NDRG1: variants seen among roughly 807,000 people sequenced by gnomAD.
NDRG1 encodes the protein protein NDRG1.
A neutral mutation model predicts 56.9 loss-of-function variants in NDRG1; 32 were observed. That is an observed-to-expected ratio of 0.56 (90% CI 0.42 to 0.76). The LOEUF (loss-of-function observed/expected upper bound fraction) is 0.76. Ranked by LOEUF, NDRG1 falls within the 30% of genes least tolerant of loss-of-function variation. NDRG1 has a pLI of 0.00. For synonymous variants in NDRG1, 211 were observed against 204.1 expected (o/e 1.03, Z -0.29); for missense variants, 507 against 545.7 (o/e 0.93, Z 0.71).
At chr8:133,293,376 G>C (rs919142678) in intron 1 of NDRG1, among the ~76,000 whole-genome samples, 1 of 152,244 alleles carries the variant, frequency 6.6e-6, no homozygotes, top group Non-Finnish European at 1.5e-5. Context: ...GGCCCAGAGG[G>C]TGTGGGTGGC....
At chr8:133,261,962 A>T (rs1856679554) in intron 5 of NDRG1, 85 bp downstream of exon 5, 1 of 1,482,290 alleles carries the variant, frequency 6.7e-7, no homozygotes, top group African/African-American at 1.4e-5. Context: ...ACAGTTAAAA[A>T]GTATTTAAAA....
At chr8:133,265,084 G>T in intron 3 of NDRG1, 1 of 255,148 alleles carries the variant, frequency 3.9e-6, no homozygotes, top group South Asian at 4.9e-5. Flanking sequence ...CCACTTCCAA[G>T]AACAGCCCTC....
intron 1 of NDRG1, among the ~76,000 whole-genome samples, chr8:133,293,952 CAAG>C (rs1858581374): frequency 6.6e-6 from 1 of 152,206 alleles, no homozygotes; most frequent in African/African-American, 2.4e-5. Flanking sequence ...CTCTGCCTGC[CAAG>C]AAGATGCCTT....
intron 5 of NDRG1, among the ~76,000 whole-genome samples, chr8:133,260,308 G>A (rs1480965264): frequency 6.6e-6 from 1 of 152,146 alleles, no homozygotes; most frequent in African/African-American, 2.4e-5. Context: ...TCAGAATACA[G>A]GGGGCTCACC....
intron 8 of NDRG1, 157 bp from the exon 9 acceptor site, chr8:133,254,752 G>A (rs1483148502): frequency 1.1e-5 from 8 of 739,480 alleles, no homozygotes; most frequent in Middle Eastern, 6.0e-4. Context: ...CTCAGTTCCT[G>A]TCTCCAGTTC....
In NDRG1 at chr8:133,262,104, G is replaced by A; in HGVS notation, c.269C>T (p.Ala90Val). The A allele has an allele frequency of 6.2e-7, 1 of 1,614,168 alleles. No homozygotes were observed. The part of the protein sequence containing the change: ...EDMQEITQHF[A>V]VCHVDAPGQQ... ...GCCAGGGGCGTCCACGTGGCAGACG[G>A]CAAAGTGCTGGGTGATCTCCTGCAT... The change falls in exon 5 of 16, where the codon GCC becomes GTC. Residue 90 changes from alanine (A) to valine (V), a missense_variant. Coordinates refer to ENST00000323851, the MANE Select transcript of NDRG1 (RefSeq NM_006096.4).
rs913796053 is a variant in NDRG1 at position 133,237,406 on chromosome 8, G to A, written c.*1472C>T. ...TGGACTACTTCCTCCTCCCAACTGC[G>A]GGGTCCCAGAAATCCTCGGGTCCCA... On this transcript the variant is annotated 3_prime_UTR_variant, in exon 16 of 16. Coordinates refer to ENST00000323851, the MANE Select transcript of NDRG1 (RefSeq NM_006096.4). 2 of 232,084 alleles carry A rather than the reference G, an allele frequency of 8.6e-6. No individual in the cohort carries two copies. The highest frequency in any genetic ancestry group is 2.2e-5 in the African/African-American group (1 of 45,252). 14.4% of individuals were successfully genotyped at this position (232,084 alleles called of 1,614,324 possible). A position where few individuals can be genotyped will look rare whatever the true frequency, so the allele number is the denominator to read the frequency against.
At chr8:133,248,878 G>A in intron 10 of NDRG1, 107 bp from the exon 11 acceptor site, 3 of 1,236,384 alleles carry the variant, frequency 2.4e-6, no homozygotes, top group African/African-American at 1.5e-5. Flanking sequence ...ATTCTGGTAA[G>A]CTACCCACAT....
At chr8:133,281,793 T>C (rs746849509) in intron 2 of NDRG1, among the ~76,000 whole-genome samples, 2 of 152,048 alleles carry the variant, frequency 1.3e-5, no homozygotes, top group African/African-American at 2.4e-5. Flanking sequence ...ATCAGGGACT[T>C]TGGGTAAATT....
At chr8:133,274,781 T>C (rs1232364173) in intron 3 of NDRG1, among the ~76,000 whole-genome samples, 6 of 152,120 alleles carry the variant, frequency 3.9e-5, no homozygotes, top group Non-Finnish European at 5.9e-5. Flanking sequence ...AGCATCACGG[T>C]TGAGAGAACT....
intron 9 of NDRG1, among the ~76,000 whole-genome samples, chr8:133,253,842 G>A (rs1004269961): frequency 6.6e-6 from 1 of 152,016 alleles, no homozygotes; most frequent in Non-Finnish European, 1.5e-5. Flanking sequence ...AGGACTATAG[G>A]CATGCAGAAC....
intron 3 of NDRG1, among the ~76,000 whole-genome samples, chr8:133,273,871 G>T (rs911650948): frequency 7.9e-5 from 12 of 152,046 alleles, no homozygotes; most frequent in African/African-American, 2.9e-4. Context: ...TCTAGCCAAA[G>T]AAAATAAGCT....
chr8:133,262,988 GT>G (rs1464845263), intron 4 of NDRG1, among the ~76,000 whole-genome samples: 1 of 152,156 alleles, frequency 6.6e-6, no homozygotes, highest in African/African-American at 2.4e-5. Flanking sequence ...CCACTAAACT[GT>G]TACATGAGCG....
rs368061370 is a variant in NDRG1 at position 133,242,072 on chromosome 8, C to T, written c.894G>A (p.Pro298=). Residue 298 remains proline (P), a splice_region_variant and synonymous_variant, in exon 15 of 16, where the codon CCG becomes CCA. Coordinates refer to ENST00000323851, the MANE Select transcript of NDRG1 (RefSeq NM_006096.4). ...ACTTGAAGGCCTCAGCGAGCTTGGC[C>T]GGCTGCGAGAGACAAGGAGAGAAAA... The part of the protein sequence containing the change: ...DCGGLPQISQ[P]AKLAEAFKYF... 59 of 1,614,020 alleles carry T rather than the reference C, an allele frequency of 3.7e-5. No homozygotes were observed. The highest frequency in any genetic ancestry group is 4.5e-5 in the Non-Finnish European group (53 of 1,180,026).
At chr8:133,253,301 G>T (rs991954281) in intron 9 of NDRG1, among the ~76,000 whole-genome samples, 1 of 152,216 alleles carries the variant, frequency 6.6e-6, no homozygotes, top group African/African-American at 2.4e-5. Flanking sequence ...TCAGAGCCAG[G>T]CAGCAGCACA....
chr8:133,243,732 C>A (rs1855509084), intron 14 of NDRG1, among the ~76,000 whole-genome samples: 1 of 152,144 alleles, frequency 6.6e-6, no homozygotes, highest in Admixed American at 6.5e-5. Context: ...TGACAAAAAA[C>A]TCTATTTCAT....
intron 3 of NDRG1, among the ~76,000 whole-genome samples, chr8:133,271,272 G>A (rs1857172748): frequency 6.6e-6 from 1 of 152,192 alleles, no homozygotes; most frequent in African/African-American, 2.4e-5. Flanking sequence ...GGCCAGAGCA[G>A]TTACGGTGCC....
At chr8:133,241,573 TG>T (rs1855383458) in intron 15 of NDRG1, 2 of 224,108 alleles carry the variant, frequency 8.9e-6, no homozygotes, top group South Asian at 1.4e-4. Context: ...ACTGATAAGA[TG>T]GGCTAAGAAT....
intron 8 of NDRG1, 96 bp from the exon 9 acceptor site, chr8:133,254,691 G>A: frequency 1.6e-6 from 2 of 1,226,260 alleles, no homozygotes; most frequent in South Asian, 1.3e-5. Flanking sequence ...GGGTGGCATT[G>A]CTGGACTCCC....
Sources: allele counts gnomAD v4.1 joint callset (sites outside exome capture counted in the v4.1 genomes callset), GRCh38; gene constraint gnomAD v4.1.1; transcripts MANE v1.5; gene names NCBI Gene and HGNC (gene_info 2026-07-23, HGNC 2026-07-21).